SGK2: variants seen among roughly 807,000 people sequenced by gnomAD.
The protein encoded by SGK2 is serine/threonine-protein kinase Sgk2.
In SGK2, 36 loss-of-function variants were observed where a neutral mutation model predicts 47.5. The ratio of observed to expected loss-of-function variants is 0.76; its 90% CI spans 0.58 to 1.00. The LOEUF (loss-of-function observed/expected upper bound fraction) is 1.00, where lower values mean the gene tolerates loss of function less well. Among genes scored for constraint, SGK2 ranks in the 50% least tolerant of loss-of-function variants. The probability of loss-of-function intolerance (pLI) is 0.00; values close to 1 mark genes in which losing one functional copy is unlikely to be tolerated. For missense variants in SGK2, 404 were observed against 467.4 expected (o/e 0.86, Z 1.25); for synonymous variants, 157 against 181.9 (o/e 0.86, Z 1.10).
rs372817110 is a variant in SGK2 at position 43,567,624 on chromosome 20, A to T, written c.87-41A>T. On this transcript the variant is annotated intron_variant, in intron 3 of 12. Coordinates refer to ENST00000373100, the MANE Select transcript of SGK2 (RefSeq NM_170693.3). ...TTGTTCTCAGGCACCAGGTTTCCAG[A>T]CATTGCAAATGCTGATCCGTGTTTT... 5.1e-5 allele frequency: 81 copies of T among 1,598,406 alleles called. No homozygotes were observed. The African/African-American group carries it at 1.0e-3, about 20-fold the overall frequency.
chr20:43,581,622 A>G (rs189759930), intron 12 of SGK2, among the ~76,000 whole-genome samples: 23 of 152,132 alleles, frequency 1.5e-4, no homozygotes, highest in Admixed American at 1.4e-3. Context: ...GCACGATCTC[A>G]GGTTCAAGCA....
intron 12 of SGK2, chr20:43,583,555 T>G (rs1980926300): frequency 1.0e-6 from 1 of 985,334 alleles, no homozygotes; most frequent in Admixed American, 6.2e-5. Context: ...AAAGCAGATT[T>G]GCAAGCCCTT....
intron 1 of SGK2, among the ~76,000 whole-genome samples, chr20:43,562,931 G>A (rs527568941): frequency 5.3e-5 from 8 of 152,028 alleles, no homozygotes; most frequent in East Asian, 1.9e-4. Context: ...TCAGGAGTTC[G>A]AGACCAGCCT....
intron 1 of SGK2, among the ~76,000 whole-genome samples, chr20:43,560,309 G>A (rs1979304449): frequency 6.6e-6 from 1 of 152,122 alleles, no homozygotes; most frequent in African/African-American, 2.4e-5. Context: ...GACCAGCCTA[G>A]CCAACATGGT....
At chr20:43,562,478 C>T (rs1373650370) in intron 1 of SGK2, among the ~76,000 whole-genome samples, 1 of 146,838 alleles carries the variant, frequency 6.8e-6, no homozygotes, top group Non-Finnish European at 1.5e-5. Flanking sequence ...CGGTGGCTCA[C>T]ACCTGTAATC....
chr20:43,571,089 GT>G, intron 8 of SGK2, 29 bp downstream of exon 8: 1 of 1,609,808 alleles, frequency 6.2e-7, no homozygotes, highest in Non-Finnish European at 8.5e-7. Flanking sequence ...GTGTGTGTGT[GT>G]GTGTGTGTGT....
chr20:43,570,308 A>G lies in SGK2; in HGVS notation c.361-309A>G, dbSNP rs576602797. ...CTGACCCCTCCTAGCTTCCTCTTAC[A>G]TGAAACTAGCATGACACTTGTACCT... is the stretch of plus-strand genomic sequence containing the variant. On this transcript the variant is annotated intron_variant, in intron 6 of 12. Transcript: ENST00000373100. 7.9e-5 allele frequency among the ~76,000 whole-genome samples: 12 copies of G among 152,262 alleles called. No homozygotes were observed. The South Asian group carries it at 2.5e-3, about 32-fold the overall frequency.
rs1980999124 is a variant in SGK2, at chr20:43,584,769, C to CT, written c.940-82dup. ...TGAAGCATGGGGCACTCACAGAGGC[C>CT]TGACATCCCTCTCTGAGGATCTGGG... On this transcript the variant is annotated intron_variant, in intron 12 of 12. Transcript: ENST00000373100. The CT allele has an allele frequency of 3.6e-6, 4 of 1,103,504 alleles. No individual in the cohort carries two copies. In the African/African-American group the frequency reaches 4.7e-5, roughly 13 times the overall value. 68.4% of individuals were successfully genotyped at this position (1,103,504 alleles called of 1,614,324 possible). A position where few individuals can be genotyped will look rare whatever the true frequency, so the allele number is the denominator to read the frequency against.
intron 10 of SGK2, 22 bp downstream of exon 10, chr20:43,575,026 A>G: frequency 6.4e-7 from 1 of 1,552,790 alleles, no homozygotes; most frequent in Non-Finnish European, 8.9e-7. Context: ...GTAGCCATCT[A>G]CAAGGGCCAT....
At chr20:43,578,918 C>T (rs1291010462) in intron 11 of SGK2, among the ~76,000 whole-genome samples, 5 of 151,590 alleles carry the variant, frequency 3.3e-5, no homozygotes, top group Non-Finnish European at 5.9e-5. Flanking sequence ...TCAAAGGGTA[C>T]AAAAGAGTAT....
intron 9 of SGK2, among the ~76,000 whole-genome samples, chr20:43,574,321 A>G (rs1157577058): frequency 6.6e-6 from 1 of 152,148 alleles, no homozygotes; most frequent in Non-Finnish European, 1.5e-5. Context: ...TTATTTATCA[A>G]TAGCTCAGGG....
chr20:43,567,558 C>G, intron 3 of SGK2, 107 bp from the exon 4 acceptor site: 2 of 1,014,780 alleles, frequency 2.0e-6, no homozygotes, highest in South Asian at 1.4e-5. Flanking sequence ...CTGGAAGGCT[C>G]TCTGTATTTC....
intron 6 of SGK2, chr20:43,569,793 T>C (rs1979986626): frequency 7.2e-6 from 3 of 418,684 alleles, no homozygotes; most frequent in African/African-American, 2.0e-5. Context: ...AGACGCACTT[T>C]GATAGGCCCG....
intron 12 of SGK2, chr20:43,583,682 C>T: frequency 1.1e-6 from 1 of 891,844 alleles, no homozygotes; most frequent in Non-Finnish European, 1.3e-6. Flanking sequence ...AAACAACAAT[C>T]TTTTGGCTGG....
At chr20:43,559,542 C>T (rs950801890) in intron 1 of SGK2, among the ~76,000 whole-genome samples, 1 of 152,150 alleles carries the variant, frequency 6.6e-6, no homozygotes, top group Non-Finnish European at 1.5e-5. Context: ...CCTGTCCTTG[C>T]CTCAGTTTTC....
chr20:43,571,984 G>A, intron 8 of SGK2, 67 bp from the exon 9 acceptor site: 1 of 1,166,252 alleles, frequency 8.6e-7, no homozygotes, highest in Admixed American at 2.0e-5. Flanking sequence ...TCTGGGCTTT[G>A]GGGGTTAGGC....
At chr20:43,576,087 C>G (rs1047137650) in intron 10 of SGK2, 137 bp from the exon 11 acceptor site, 2 of 978,148 alleles carry the variant, frequency 2.0e-6, no homozygotes, top group Non-Finnish European at 3.1e-6. Context: ...CTGTCTCTTT[C>G]CAGTCTGCCA....
chr20:43,570,630 T>C lies in SGK2; in HGVS notation c.374T>C (p.Leu125Pro), dbSNP rs1327166599. The change falls in exon 7 of 13, where the codon CTG becomes CCG. Residue 125 changes from leucine to proline, a missense_variant. Transcript: ENST00000373100. ...YVNGGELFFH[L>P]QRERRFLEPR... is the part of the protein sequence containing the mutation. ...CCTCCCCTCCAGCTCTTCTTCCACC[T>C]GCAGCGGGAGCGCCGGTTCCTGGAG... 6.2e-7 allele frequency: 1 copy of C among 1,607,978 alleles called. No individual in the cohort carries two copies. The highest frequency in any genetic ancestry group is 1.1e-5 in the South Asian group (1 of 90,404).
At chr20:43,569,806 A>G (rs1365744792) in intron 6 of SGK2, among the ~76,000 whole-genome samples, 1 of 152,052 alleles carries the variant, frequency 6.6e-6, no homozygotes, top group East Asian at 1.9e-4. Flanking sequence ...TAGGCCCGGG[A>G]AAGGTCAATG....
Sources: allele counts gnomAD v4.1 joint callset (sites outside exome capture counted in the v4.1 genomes callset), GRCh38; gene constraint gnomAD v4.1.1; transcripts MANE v1.5; gene names NCBI Gene and HGNC (gene_info 2026-07-23, HGNC 2026-07-21).